The following DPRX variants were observed in gnomAD, a reference collection of about 807,000 sequenced individuals.
The protein encoded by DPRX is divergent-paired related homeobox, also known as divergent paired-related homeobox.
A neutral mutation model predicts 8.4 loss-of-function variants in DPRX; 11 were observed. The ratio of observed to expected loss-of-function variants is 1.31; its 90% confidence interval spans 0.82 to 2.17. The LOEUF is 2.17. Ranked by LOEUF, DPRX falls within the 30% of genes most tolerant of loss-of-function variation. DPRX has a pLI of 0.00. For synonymous variants in DPRX, 72 were observed against 87.0 expected, an observed-to-expected ratio of 0.83 and a Z score of 0.96; for missense variants, 211 against 236.7, an observed-to-expected ratio of 0.89 and a Z score of 0.71.
chr19:53,605,175 G>T, the DPRX span, among the ~76,000 whole-genome samples: 4 of 152,042 alleles, frequency 2.6e-5, no homozygotes, highest in African/African-American at 9.7e-5. Flanking sequence ...CAGGTGTGGT[G>T]CCACTGTACA....
the DPRX span, among the ~76,000 whole-genome samples, chr19:53,605,625 C>A: frequency 2.6e-4 from 40 of 151,916 alleles, no homozygotes; most frequent in Admixed American, 2.3e-3. Context: ...CACTGCACCC[C>A]GCCCCATTTT....
chr19:53,610,095 G>A, the DPRX span, among the ~76,000 whole-genome samples: 1 of 145,966 alleles, frequency 6.9e-6, no homozygotes, highest in African/African-American at 2.5e-5. Context: ...AGGTTGCCGT[G>A]AGCCGAGATT....
exon 2 of DPRX, chr19:53,634,629 C>G (rs150927264): frequency 1.9e-6 from 3 of 1,614,026 alleles, no homozygotes; most frequent in East Asian, 4.5e-5. Context: ...ATACCCAAAC[C>G]CCAGCCTTCA....
chr19:53,602,643 C>T, the DPRX span, among the ~76,000 whole-genome samples: 2 of 151,648 alleles, frequency 1.3e-5, no homozygotes, highest in Non-Finnish European at 2.9e-5. Flanking sequence ...AAATAATTCT[C>T]CTGCCTCAGT....
chr19:53,630,595 C>T (rs1452126555), upstream of DPRX, among the ~76,000 whole-genome samples: 1 of 151,540 alleles, frequency 6.6e-6, no homozygotes, highest in Admixed American at 6.6e-5. Context: ...CCCAGTAGGT[C>T]GAGGCTGCAG....
the DPRX span, among the ~76,000 whole-genome samples, chr19:53,611,074 G>T: frequency 6.6e-6 from 1 of 151,936 alleles, no homozygotes; most frequent in Non-Finnish European, 1.5e-5. Context: ...ACCAATTTTT[G>T]TATTTTTAGT....
upstream of DPRX, among the ~76,000 whole-genome samples, chr19:53,630,626 A>G (rs1388224789): frequency 6.6e-6 from 1 of 151,844 alleles, no homozygotes; most frequent in Admixed American, 6.6e-5. Flanking sequence ...TTTTTGAGAC[A>G]TAGCAAGACC....
the DPRX span, among the ~76,000 whole-genome samples, chr19:53,603,037 G>GTGTA: frequency 4.0e-5 from 6 of 149,538 alleles, no homozygotes; most frequent in African/African-American, 7.4e-5. Context: ...GTGTGTGTGT[G>GTGTA]TATATATATA....
chr19:53,620,140 C>G, the DPRX span, among the ~76,000 whole-genome samples: 530 of 151,972 alleles, frequency 3.5e-3, 1 homozygote, highest in African/African-American at 0.012. Context: ...CGTGATCTCG[C>G]CTCACTGCAA....
the DPRX span, among the ~76,000 whole-genome samples, chr19:53,610,151 C>CAAAA: frequency 3.1e-3 from 243 of 77,700 alleles, 12 homozygotes; most frequent in African/African-American, 0.012. Flanking sequence ...AACTGTGTCT[C>CAAAA]AAAAAAAAAA....
chr19:53,608,275 G>A, the DPRX span: 1 of 150,818 alleles, frequency 6.6e-6, no homozygotes. Flanking sequence ...ACCTGTGGGT[G>A]TCGTTGGACC....
At chr19:53,611,831 C>T in the DPRX span, among the ~76,000 whole-genome samples, 1 of 150,898 alleles carries the variant, frequency 6.6e-6, no homozygotes, top group Admixed American at 6.6e-5. Context: ...CGCCTGGAAT[C>T]CCAGCACTCT....
At chr19:53,611,298 C>A in the DPRX span, among the ~76,000 whole-genome samples, 4 of 151,986 alleles carry the variant, frequency 2.6e-5, no homozygotes, top group African/African-American at 9.7e-5. Context: ...GACATGGTCT[C>A]GCTGTGTCAC....
the DPRX span, among the ~76,000 whole-genome samples, chr19:53,601,585 G>A: frequency 1.1e-4 from 16 of 151,072 alleles, no homozygotes; most frequent in East Asian, 9.8e-4. Flanking sequence ...GGGTTCAAGC[G>A]ATTCTCCTGC....
chr19:53,611,850 GAGGC>G, the DPRX span, among the ~76,000 whole-genome samples: 1 of 151,782 alleles, frequency 6.6e-6, no homozygotes, highest in African/African-American at 2.4e-5. Context: ...CTGGAAGGCC[GAGGC>G]AGGTGGATCA....
At chr19:53,630,721 G>A (rs2091089373), upstream of DPRX, among the ~76,000 whole-genome samples, 1 of 151,998 alleles carries the variant, frequency 6.6e-6, no homozygotes, top group African/African-American at 2.4e-5. Flanking sequence ...GTGCAGAACT[G>A]AGATTCAAAT....
chr19:53,615,191 C>T, the DPRX span, among the ~76,000 whole-genome samples: 1,686 of 152,118 alleles, frequency 0.011, 35 homozygotes, highest in African/African-American at 0.038. Context: ...AGGCTGGTCT[C>T]GAACTCCTGG....
At chr19:53,630,178 A>T (rs907631120), upstream of DPRX, 8 of 150,330 alleles carry the variant, frequency 5.3e-5, no homozygotes, top group African/African-American at 1.7e-4. Context: ...ACGCCACTGC[A>T]CTCTAACCTG....
chr19:53,633,929 C>G (rs1168583706), intron 1 of DPRX, among the ~76,000 whole-genome samples: 3 of 152,196 alleles, frequency 2.0e-5, no homozygotes, highest in South Asian at 4.2e-4. Flanking sequence ...CAGGCGTGAG[C>G]AAGGGATCCC....
Sources: allele counts gnomAD v4.1 joint callset (sites outside exome capture counted in the v4.1 genomes callset), GRCh38; gene constraint gnomAD v4.1.1; transcripts MANE v1.5; gene names NCBI Gene and HGNC (gene_info 2026-07-23, HGNC 2026-07-21).